The following TCEA1 variants were observed in gnomAD, a reference collection of about 807,000 sequenced individuals.
TCEA1 encodes transcription elongation factor A1.
A neutral mutation model predicts 43.8 loss-of-function variants in TCEA1; 21 were observed. That is an observed-to-expected ratio of 0.48 (90% CI 0.34 to 0.69). The LOEUF is 0.69. Among genes scored for constraint, TCEA1 ranks in the 30% least tolerant of loss-of-function variants. TCEA1 has a pLI of 0.01. For missense variants in TCEA1, 250 were observed against 365.1 expected, an observed-to-expected ratio of 0.68 and a Z score of 2.57; for synonymous variants, 104 against 117.5, an observed-to-expected ratio of 0.88 and a Z score of 0.75.
At chr8:54,008,490 A>T (rs190484394) in intron 2 of TCEA1, among the ~76,000 whole-genome samples, 1,661 of 151,988 alleles carry the variant, frequency 0.011, 35 homozygotes, top group African/African-American at 0.034. Flanking sequence ...AAAAAAAAAA[A>T]TTTTTTTAAT....
chr8:53,989,269 G>C (rs1803794103), intron 4 of TCEA1, among the ~76,000 whole-genome samples: 1 of 152,116 alleles, frequency 6.6e-6, no homozygotes, highest in African/African-American at 2.4e-5. Flanking sequence ...TTGCTTCTGA[G>C]TAGCTTCTTA....
chr8:53,978,691 C>A, intron 8 of TCEA1: 1 of 200,128 alleles, frequency 5.0e-6, no homozygotes, highest in Non-Finnish European at 1.0e-5. Context: ...GAGTACAGTG[C>A]AAGACACTGT....
chr8:54,007,347 AT>A (rs930514979), intron 2 of TCEA1, among the ~76,000 whole-genome samples: 6 of 151,920 alleles, frequency 3.9e-5, no homozygotes, highest in African/African-American at 9.7e-5. Context: ...GTGTGTGTGT[AT>A]TTTTTTCTTT....
intron 7 of TCEA1, among the ~76,000 whole-genome samples, chr8:53,979,704 T>A (rs1309950157): frequency 6.6e-6 from 1 of 152,206 alleles, no homozygotes; most frequent in Non-Finnish European, 1.5e-5. Flanking sequence ...GTTTCTATAA[T>A]CCCTCACTGC....
intron 8 of TCEA1, among the ~76,000 whole-genome samples, chr8:53,974,721 G>A (rs1465052734): frequency 6.6e-6 from 1 of 152,060 alleles, no homozygotes; most frequent in Middle Eastern, 3.4e-3. Context: ...TAGAGATGGG[G>A]GTTTCACCAT....
chr8:53,973,038 T>G, intron 8 of TCEA1: 1 of 675,264 alleles, frequency 1.5e-6, no homozygotes, highest in South Asian at 1.4e-5. Context: ...ACAGGAAGCT[T>G]AAAAGGAAGA....
At chr8:53,983,011 T>C (rs1180249333) in intron 7 of TCEA1, among the ~76,000 whole-genome samples, 2 of 152,222 alleles carry the variant, frequency 1.3e-5, no homozygotes, top group African/African-American at 4.8e-5. Context: ...CTCACTGTTG[T>C]CTTATTTTAC....
At chr8:53,973,345 C>T (rs1382066645) in intron 8 of TCEA1, 1 of 523,630 alleles carries the variant, frequency 1.9e-6, no homozygotes, top group Non-Finnish European at 3.6e-6. Flanking sequence ...TAAACTGACC[C>T]CTTGGGAACA....
chr8:54,002,201 G>A (rs1724136706), intron 2 of TCEA1, among the ~76,000 whole-genome samples: 1 of 151,958 alleles, frequency 6.6e-6, no homozygotes, highest in South Asian at 2.1e-4. Flanking sequence ...GGCGGGTATG[G>A]TGGCTCACGC....
In TCEA1 at chr8:54,018,311, T is replaced by A. The variant is rs375750731; in HGVS notation, c.63+3752A>T. Among the ~76,000 whole-genome samples, 9 of 152,324 alleles carry A rather than the reference T, an allele frequency of 5.9e-5. No individual in the cohort carries two copies. In the South Asian group the frequency reaches 1.9e-3, roughly 32 times the overall value. ...CAGCACTACCCACAAAATCTCTCCA[T>A]GAACTTCAAAACTTTATGTCCTTGC... On this transcript the variant is annotated intron_variant, in intron 1 of 9. Coordinates refer to ENST00000521604, the MANE Select transcript of TCEA1 (RefSeq NM_006756.4).
chr8:54,017,677 T>C (rs1028184337), intron 1 of TCEA1, among the ~76,000 whole-genome samples: 1 of 152,110 alleles, frequency 6.6e-6, no homozygotes, highest in African/African-American at 2.4e-5. Context: ...TCCCAGCAAT[T>C]TGGGAGGCCG....
intron 1 of TCEA1, among the ~76,000 whole-genome samples, chr8:54,011,376 G>C (rs1804647081): frequency 6.6e-6 from 1 of 152,182 alleles, no homozygotes. Context: ...CTTTGTAGTA[G>C]TGTGCACAGC....
intron 1 of TCEA1, among the ~76,000 whole-genome samples, chr8:54,017,875 A>G (rs1380675619): frequency 6.6e-6 from 1 of 152,138 alleles, no homozygotes; most frequent in African/African-American, 2.4e-5. Context: ...AGCCAAGATC[A>G]TGCCACCACA....
chr8:53,997,900 G>A (rs1804115978), intron 3 of TCEA1, among the ~76,000 whole-genome samples: 1 of 152,216 alleles, frequency 6.6e-6, no homozygotes, highest in South Asian at 2.1e-4. Flanking sequence ...GGGAAAGGGG[G>A]TGGATAGGGG....
intron 8 of TCEA1, among the ~76,000 whole-genome samples, chr8:53,975,815 C>T (rs1473457607): frequency 2.0e-5 from 3 of 152,076 alleles, no homozygotes; most frequent in Admixed American, 6.6e-5. Context: ...ACTGGATGTA[C>T]AGCACTGTGA....
intron 2 of TCEA1, among the ~76,000 whole-genome samples, chr8:54,009,015 A>C (rs1266656365): frequency 6.6e-6 from 1 of 151,832 alleles, no homozygotes; most frequent in East Asian, 1.9e-4. Flanking sequence ...ACACCTGGCT[A>C]ATTTTTGTAT....
At chr8:53,984,861 G>A (rs188387948) in intron 6 of TCEA1, among the ~76,000 whole-genome samples, 8 of 151,532 alleles carry the variant, frequency 5.3e-5, no homozygotes, top group Admixed American at 3.9e-4. Context: ...CAGCCTGGGC[G>A]ACAGAGGGAC....
In TCEA1 at chr8:54,008,464, G is replaced by T. The variant is rs563081986; in HGVS notation, c.126+1966C>A. 2.1e-3 allele frequency among the ~76,000 whole-genome samples: 326 copies of T among 151,962 alleles called. 6 individuals carry two copies. Among genetic ancestry groups the T allele is most frequent in the Non-Finnish European group, 8.1e-4 (55 of 67,946 alleles). On this transcript the variant is annotated intron_variant, in intron 2 of 9. Coordinates refer to ENST00000521604, the MANE Select transcript of TCEA1 (RefSeq NM_006756.4). ...TTCAAGACCAGCCTGGGCAACAAAG[G>T]GAGAACCCCGTCTCTAAAAAAAAAA...
chr8:53,998,771 GA>G (rs1804150476), intron 3 of TCEA1, among the ~76,000 whole-genome samples: 1 of 152,000 alleles, frequency 6.6e-6, no homozygotes, highest in African/African-American at 2.4e-5. Flanking sequence ...CAAAAACAAA[GA>G]AAAAGTAAAA....
Sources: gnomAD v4.1 joint callset for allele counts (sites outside exome capture counted in the v4.1 genomes callset) on GRCh38, gnomAD v4.1.1 for gene constraint, MANE v1.5 for transcripts, NCBI Gene and HGNC (gene_info 2026-07-23, HGNC 2026-07-21) for gene names.